GYS2: variants seen among roughly 807,000 people sequenced by gnomAD.
GYS2 encodes the protein glycogen synthase 2, also known as glycogen [starch] synthase, liver.
In GYS2, 80 loss-of-function variants were observed where a neutral mutation model predicts 85.6. The ratio of observed to expected loss-of-function variants is 0.93; its 90% confidence interval spans 0.78 to 1.13. The LOEUF (loss-of-function observed/expected upper bound fraction) is 1.13. Ranked by LOEUF, GYS2 falls within the 50% of genes most tolerant of loss-of-function variation. GYS2 has a pLI of 0.00. For missense variants in GYS2, 881 were observed against 854.9 expected (o/e 1.03, Z -0.38); for synonymous variants, 328 against 300.7 (o/e 1.09, Z -0.94).
At chr12:21,551,681 A>G (rs1192836206) in intron 11 of GYS2, among the ~76,000 whole-genome samples, 1 of 152,194 alleles carries the variant, frequency 6.6e-6, no homozygotes, top group Admixed American at 6.5e-5. Flanking sequence ...GAATTCAATC[A>G]CAGAAATTAA....
chr12:21,563,782 G>T (rs138242649), intron 5 of GYS2, among the ~76,000 whole-genome samples: 1 of 152,084 alleles, frequency 6.6e-6, no homozygotes, highest in Non-Finnish European at 1.5e-5. Context: ...GTTTAAAGAC[G>T]CCGTCCAAGA....
At chr12:21,564,172 C>G (rs1944290171) in intron 5 of GYS2, among the ~76,000 whole-genome samples, 1 of 151,994 alleles carries the variant, frequency 6.6e-6, no homozygotes, top group Middle Eastern at 3.2e-3. Flanking sequence ...AAAAAAGAAG[C>G]TATGTTAAAA....
At chr12:21,542,468 A>G in intron 13 of GYS2, 28 bp downstream of exon 13, 1 of 1,427,130 alleles carries the variant, frequency 7.0e-7, no homozygotes, top group Non-Finnish European at 9.9e-7. Context: ...ATGTCTCCCC[A>G]GCATGGGTTA....
At chr12:21,572,003 G>A (rs536686405) in intron 4 of GYS2, among the ~76,000 whole-genome samples, 6 of 126,898 alleles carry the variant, frequency 4.7e-5, no homozygotes, top group African/African-American at 1.7e-4. Context: ...GAGGGGGGGT[G>A]GGGCGGGGGG....
intron 5 of GYS2, among the ~76,000 whole-genome samples, chr12:21,565,075 A>AT (rs1245578302): frequency 6.6e-6 from 1 of 151,452 alleles, no homozygotes; most frequent in East Asian, 1.9e-4. Context: ...ACAAACAATT[A>AT]TAAAAAAAAG....
At chr12:21,553,693 C>T (rs1012685373) in intron 11 of GYS2, among the ~76,000 whole-genome samples, 2 of 152,066 alleles carry the variant, frequency 1.3e-5, no homozygotes, top group Non-Finnish European at 2.9e-5. Flanking sequence ...AAAGGTAAAA[C>T]AGAATGGAAA....
At chr12:21,585,809 G>C (rs11831976) in intron 1 of GYS2, among the ~76,000 whole-genome samples, 105 of 152,258 alleles carry the variant, frequency 6.9e-4, no homozygotes, top group African/African-American at 2.4e-3. Context: ...TGTGACATAA[G>C]ATTTATTGAC....
intron 13 of GYS2, among the ~76,000 whole-genome samples, chr12:21,541,378 A>G (rs1943974838): frequency 6.6e-6 from 1 of 151,796 alleles, no homozygotes; most frequent in African/African-American, 2.4e-5. Flanking sequence ...GAACAGACAG[A>G]TAATGGTATG....
chr12:21,557,785 G>C (rs1201278036), intron 11 of GYS2, among the ~76,000 whole-genome samples: 1 of 152,110 alleles, frequency 6.6e-6, no homozygotes, highest in African/African-American at 2.4e-5. Flanking sequence ...TGTAGTCCCA[G>C]CTACTCGGGA....
chr12:21,552,674 C>T (rs547321161), intron 11 of GYS2, among the ~76,000 whole-genome samples: 113 of 152,276 alleles, frequency 7.4e-4, no homozygotes, highest in African/African-American at 2.4e-3. Flanking sequence ...TCAAAATATT[C>T]ATTTTAACTG....
chr12:21,537,792 T>G (rs1434779951), intron 15 of GYS2, among the ~76,000 whole-genome samples: 3 of 152,184 alleles, frequency 2.0e-5, no homozygotes, highest in African/African-American at 7.2e-5. Flanking sequence ...CCCTTCTACT[T>G]GAGATACTGA....
chr12:21,597,594 T>C (rs1293490034), intron 1 of GYS2, among the ~76,000 whole-genome samples: 4 of 152,064 alleles, frequency 2.6e-5, no homozygotes, highest in South Asian at 2.1e-4. Context: ...GTAGGCACTA[T>C]TGGTAAGCAT....
chr12:21,600,391 G>C (rs1047193859), intron 1 of GYS2, among the ~76,000 whole-genome samples: 1 of 152,140 alleles, frequency 6.6e-6, no homozygotes, highest in Non-Finnish European at 1.5e-5. Flanking sequence ...GCCTTGAAAA[G>C]TGTTGAGATT....
chr12:21,585,879 T>G (rs528728009), intron 1 of GYS2, among the ~76,000 whole-genome samples: 8 of 152,206 alleles, frequency 5.3e-5, no homozygotes, highest in Non-Finnish European at 1.2e-4. Flanking sequence ...TGGGGATTGG[T>G]GCATTTTCAA....
At chr12:21,554,797 T>A (rs1464619945) in intron 11 of GYS2, among the ~76,000 whole-genome samples, 5 of 152,176 alleles carry the variant, frequency 3.3e-5, no homozygotes. Flanking sequence ...TATGTAAGTG[T>A]TACGTATGTT....
chr12:21,595,449 T>C (rs1172969328), intron 1 of GYS2, among the ~76,000 whole-genome samples: 1 of 152,012 alleles, frequency 6.6e-6, no homozygotes, highest in Non-Finnish European at 1.5e-5. Flanking sequence ...TTACCTGGAG[T>C]TGAGTTAACT....
chr12:21,535,196 G>A (rs1943899453), downstream of GYS2: 1 of 152,150 alleles, frequency 6.6e-6, no homozygotes, highest in Non-Finnish European at 1.5e-5. Context: ...TGAACAAAAA[G>A]CACTTACATC....
At position 21,546,349 on chromosome 12, in the gene GYS2, G is replaced by T; in HGVS notation, c.1544C>A (p.Thr515Asn). The T allele has an allele frequency of 6.2e-7, 1 of 1,601,828 alleles. No individual in the cohort carries two copies. Among genetic ancestry groups the T allele is most frequent in the Non-Finnish European group, 8.5e-7 (1 of 1,169,654 alleles). ...FPSYYEPWGY[T>N]PAECTVMGIP... is the part of the protein sequence containing the mutation. ...ACTCTATACATGACACATACCTGGA[G>T]TATAACCCCAGGGTTCATAGTATGA... is the stretch of plus-strand genomic sequence containing the variant. The change falls in exon 12 of 16, where the codon ACT (threonine) becomes AAT (asparagine). Residue 515 changes from threonine (T) to asparagine (N), a missense_variant. Coordinates refer to ENST00000261195, the MANE Select transcript of GYS2 (RefSeq NM_021957.4).
At chr12:21,602,236 C>T (rs1944763262) in intron 1 of GYS2, among the ~76,000 whole-genome samples, 1 of 152,010 alleles carries the variant, frequency 6.6e-6, no homozygotes, top group African/African-American at 2.4e-5. Flanking sequence ...CCTTTGAAAA[C>T]TGAGGTTTTA....
Sources: allele counts gnomAD v4.1 joint callset (sites outside exome capture counted in the v4.1 genomes callset), GRCh38; gene constraint gnomAD v4.1.1; transcripts MANE v1.5; gene names NCBI Gene and HGNC (gene_info 2026-07-23, HGNC 2026-07-21).